The following WBP4 variants were observed in gnomAD, a reference collection of about 807,000 sequenced individuals.
The protein encoded by WBP4 is WW domain binding protein 4.
Under a neutral mutation model 55.4 loss-of-function variants are expected in WBP4, and 37 were observed. The ratio of observed to expected loss-of-function variants is 0.67; its 90% CI spans 0.51 to 0.88. WBP4 has a LOEUF of 0.88. Among genes scored for constraint, WBP4 ranks in the 40% least tolerant of loss-of-function variants. WBP4 has a pLI of 0.00. For missense variants in WBP4, 398 were observed against 420.8 expected (o/e 0.95, Z 0.47); for synonymous variants, 142 against 140.2 (o/e 1.01, Z -0.09).
intron 8 of WBP4, among the ~76,000 whole-genome samples, chr13:41,076,439 C>T (rs1020296137): frequency 7.9e-5 from 12 of 151,702 alleles, no homozygotes; most frequent in African/African-American, 2.4e-4. Context: ...CCACCAAACC[C>T]GGCTAATTTT....
chr13:41,080,592 T>A, intron 8 of WBP4, 54 bp from the exon 9 acceptor site: 6 of 1,380,070 alleles, frequency 4.3e-6, no homozygotes, highest in Non-Finnish European at 5.9e-6. Context: ...AAATTTTATT[T>A]TTGTCTTGGT....
intron 5 of WBP4, among the ~76,000 whole-genome samples, chr13:41,070,829 A>G (rs2138469745): frequency 6.6e-6 from 1 of 152,336 alleles, no homozygotes. Context: ...AAATAAGATC[A>G]GAGAGTTAAT....
At chr13:41,061,811 G>T in intron 1 of WBP4, 136 bp downstream of exon 1, 1 of 1,437,772 alleles carries the variant, frequency 7.0e-7, no homozygotes, top group Non-Finnish European at 9.5e-7. Flanking sequence ...GCTCGGGACC[G>T]GCCCCAGACC....
intron 2 of WBP4, among the ~76,000 whole-genome samples, chr13:41,063,488 TTTTGG>T: frequency 6.6e-6 from 1 of 152,244 alleles, no homozygotes; most frequent in East Asian, 1.9e-4. Flanking sequence ...TTTTTTGATG[TTTTGG>T]TCTTTTTGGA....
chr13:41,075,441 G>A (rs1324752977), intron 7 of WBP4, among the ~76,000 whole-genome samples: 1 of 152,228 alleles, frequency 6.6e-6, no homozygotes, highest in East Asian at 1.9e-4. Flanking sequence ...GAGTGCAGTG[G>A]CACAATCATG....
intron 4 of WBP4, 127 bp from the exon 5 acceptor site, chr13:41,068,431 TATA>T (rs1354730135): frequency 1.2e-5 from 10 of 823,380 alleles, no homozygotes; most frequent in East Asian, 3.0e-5. Flanking sequence ...GAATGAACTT[TATA>T]ATAATGTGTT....
intron 9 of WBP4, among the ~76,000 whole-genome samples, chr13:41,081,163 C>T (rs1008710350): frequency 2.6e-5 from 4 of 151,998 alleles, no homozygotes; most frequent in Non-Finnish European, 5.9e-5. Context: ...CGCCACTGGA[C>T]TCCAGCCTAG....
intron 9 of WBP4, among the ~76,000 whole-genome samples, chr13:41,081,867 A>G (rs935883298): frequency 1.3e-5 from 2 of 152,168 alleles, no homozygotes; most frequent in African/African-American, 4.8e-5. Flanking sequence ...CATTCTCCAA[A>G]TAGGATGATG....
chr13:41,065,494 T>C (rs1877934485), intron 4 of WBP4, among the ~76,000 whole-genome samples: 2 of 152,152 alleles, frequency 1.3e-5, no homozygotes, highest in Non-Finnish European at 2.9e-5. Flanking sequence ...TTTTAACACC[T>C]TCATTCATAG....
chr13:41,063,408 A>C (rs980213173), intron 2 of WBP4, among the ~76,000 whole-genome samples: 6 of 152,194 alleles, frequency 3.9e-5, no homozygotes, highest in African/African-American at 1.4e-4. Context: ...CTCATATTTT[A>C]ACAATGCTGT....
chr13:41,072,129 C>A (rs180879401), intron 6 of WBP4, among the ~76,000 whole-genome samples: 1 of 151,560 alleles, frequency 6.6e-6, no homozygotes, highest in Non-Finnish European at 1.5e-5. Flanking sequence ...CCGTCAGTTG[C>A]CATTCACATG....
At chr13:41,080,876 T>TTACTTAC in intron 9 of WBP4, 67 bp downstream of exon 9, 2 of 1,485,930 alleles carry the variant, frequency 1.3e-6, no homozygotes, top group Non-Finnish European at 1.8e-6. Flanking sequence ...CTTCCCTAAA[T>TTACTTAC]TGCAGTAAGT....
At chr13:41,080,010 G>A (rs1878695184) in intron 8 of WBP4, among the ~76,000 whole-genome samples, 2 of 151,192 alleles carry the variant, frequency 1.3e-5, no homozygotes, top group African/African-American at 2.4e-5. Flanking sequence ...GAGCTAAACA[G>A]TGGGCACACA....
At chr13:41,063,911 G>T (rs1877824100) in intron 2 of WBP4, among the ~76,000 whole-genome samples, 1 of 152,068 alleles carries the variant, frequency 6.6e-6, no homozygotes, top group Non-Finnish European at 1.5e-5. Flanking sequence ...TTGATTGACA[G>T]AACTTATTTT....
chr13:41,073,102 A>G (rs923441091), intron 7 of WBP4, among the ~76,000 whole-genome samples: 2 of 152,240 alleles, frequency 1.3e-5, no homozygotes, highest in Admixed American at 1.3e-4. Context: ...AAACTTAAAA[A>G]TAGAATCATT....
chr13:41,061,715 T>C, intron 1 of WBP4, 40 bp downstream of exon 1: 1 of 1,613,380 alleles, frequency 6.2e-7, no homozygotes, highest in Non-Finnish European at 8.5e-7. Context: ...AGGTGTTGTT[T>C]CTCTGGGCCG....
Position 41,083,693 on chromosome 13 carries a change from T to C in WBP4, c.*779T>C, listed in dbSNP as rs1878887817. 6.6e-6 allele frequency: 1 copy of C among 152,186 alleles called. No homozygotes were observed. The highest frequency in any genetic ancestry group is 2.1e-4 in the South Asian group (1 of 4,830). The allele number at this position is 152,186 out of a possible 1,614,324, so 9.4% of individuals were successfully genotyped here. On this transcript the variant is annotated 3_prime_UTR_variant, in exon 10 of 10. Coordinates refer to ENST00000379487, the MANE Select transcript of WBP4 (RefSeq NM_007187.5). The stretch of plus-strand genomic sequence containing the variant: ...GCAGTCTTATATGTACTAGAAAAGA[T>C]TTTTTAAAGTTTATTTAAAGCTGTG...
intron 9 of WBP4, among the ~76,000 whole-genome samples, chr13:41,081,415 T>C (rs528729753): frequency 1.7e-4 from 25 of 150,488 alleles, no homozygotes; most frequent in Non-Finnish European, 2.4e-4. Flanking sequence ...GGAGGATTAC[T>C]TGAGCCCAGG....
rs1452039175 is a variant in WBP4 at position 41,072,773 on chromosome 13, T to G, written c.487-9T>G. Reference sequence around the variant, plus strand: ...CTTAGTTTATGCTGGGTTTTTTTCCTCCTATTAGACAGCAGTGAAGACCGT... The same window carrying G: ...CTTAGTTTATGCTGGGTTTTTTTCCGCCTATTAGACAGCAGTGAAGACCGT... On this transcript the variant is annotated splice_polypyrimidine_tract_variant and intron_variant, in intron 6 of 9. Transcript: ENST00000379487. 1 of 1,611,598 alleles carries G rather than the reference T, an allele frequency of 6.2e-7. No individual in the cohort carries two copies. The highest frequency in any genetic ancestry group is 1.7e-5 in the Admixed American group (1 of 59,366).
Sources: allele counts gnomAD v4.1 joint callset (sites outside exome capture counted in the v4.1 genomes callset), GRCh38; gene constraint gnomAD v4.1.1; transcripts MANE v1.5; gene names NCBI Gene and HGNC (gene_info 2026-07-23, HGNC 2026-07-21).